WWP2: variants seen among roughly 807,000 people sequenced by gnomAD.
The protein encoded by WWP2 is WW domain containing E3 ubiquitin protein ligase 2.
In WWP2, 57 loss-of-function variants were observed where a neutral mutation model predicts 121.0. The observed-to-expected ratio is 0.47, with a 90% CI of 0.38 to 0.59. The LOEUF is 0.59. WWP2 is among the 20% of genes least tolerant of loss of function. The pLI is 0.00. For missense variants in WWP2, 962 were observed against 1,158.9 expected (o/e 0.83, Z 2.47); for synonymous variants, 449 against 441.3 (o/e 1.02, Z -0.22).
intron 16 of WWP2, among the ~76,000 whole-genome samples, chr16:69,932,345 CA>C (rs777382271): frequency 6.6e-6 from 1 of 152,150 alleles, no homozygotes. Flanking sequence ...ACAAAACAAA[CA>C]AAAAAACAAA....
At chr16:69,769,914 G>A (rs1009886188) in intron 1 of WWP2, among the ~76,000 whole-genome samples, 2 of 139,458 alleles carry the variant, frequency 1.4e-5, no homozygotes, top group African/African-American at 2.7e-5. Flanking sequence ...TCGCTGTGTC[G>A]CCCAGGCTAG....
chr16:69,931,857 G>A lies in WWP2; in HGVS notation c.1649G>A (p.Gly550Asp). The change falls in exon 16 of 24, where the codon GGC becomes GAC. Residue 550 changes from glycine (G) to aspartate (D), a missense_variant. Physicochemically the swap from Gly to Asp is moderately conservative, Grantham distance 94 (BLOSUM62 -1). Coordinates refer to ENST00000359154, the MANE Select transcript of WWP2 (RefSeq NM_001270454.2). ...LRRRLYIIMR[G>D]EEGLDYGGIA... ...CGCCGGCTCTACATCATCATGCGTG[G>A]CGAGGAGGGCCTGGACTATGGGGGC... is the stretch of plus-strand genomic sequence containing the variant. 1 of 1,613,754 alleles carries A rather than the reference G, an allele frequency of 6.2e-7. No individual in the cohort carries two copies.
At chr16:69,890,276 C>T (rs1013716234) in intron 8 of WWP2, among the ~76,000 whole-genome samples, 1 of 152,158 alleles carries the variant, frequency 6.6e-6, no homozygotes, top group Admixed American at 6.6e-5. Flanking sequence ...GCATGCGCCA[C>T]GCTACCTAAC....
Position 69,847,907 on chromosome 16 carries a change from T to C in WWP2, c.575+5787T>C, listed in dbSNP as rs568976560. On this transcript the variant is annotated intron_variant, in intron 6 of 23. Coordinates refer to ENST00000359154, the MANE Select transcript of WWP2 (RefSeq NM_001270454.2). Reference sequence around the variant, plus strand: ...GTGGGGACAAACTGCATCCAAACCATAGCAGGGAGTCAAGTTGGAATGAAG... The same window carrying C: ...GTGGGGACAAACTGCATCCAAACCACAGCAGGGAGTCAAGTTGGAATGAAG... 9.1e-4 allele frequency among the ~76,000 whole-genome samples: 139 copies of C among 152,158 alleles called. 2 individuals are homozygous for C. The highest frequency in any genetic ancestry group is 3.3e-3 in the African/African-American group (135 of 41,522).
At chr16:69,920,450 G>A (rs980306732) in intron 10 of WWP2, among the ~76,000 whole-genome samples, 1 of 152,102 alleles carries the variant, frequency 6.6e-6, no homozygotes, top group East Asian at 1.9e-4. Flanking sequence ...CTCCTTTTGA[G>A]CTGGGCCCAA....
chr16:69,796,415 G>T (rs561732765), intron 2 of WWP2, among the ~76,000 whole-genome samples: 12 of 152,284 alleles, frequency 7.9e-5, no homozygotes, highest in Admixed American at 6.5e-4. Context: ...TCGATATCCC[G>T]CAGCTAGGCA....
rs1208026271 is a variant in WWP2 at position 69,799,452 on chromosome 16, CCT to C, written c.340+162_340+163del. 5.3e-5 allele frequency: 51 copies of C among 964,688 alleles called. No individual in the cohort carries two copies. In the African/African-American group the frequency reaches 5.8e-4, roughly 11 times the overall value. The allele number at this position is 964,688 out of a possible 1,614,324, so 59.8% of individuals were successfully genotyped here. On this transcript the variant is annotated intron_variant, in intron 4 of 23. Transcript: ENST00000359154. This position sits in a 1 kb window ranked among gnomAD's most constrained non-coding sequence, Gnocchi z 4.5. ...TGGAGTTTTGGGAAGGCTGAGGGCT[CCT>C]CTCTGCCTCCACTACAGAGTTTAGC...
intron 4 of WWP2, among the ~76,000 whole-genome samples, chr16:69,838,296 A>G (rs1383645905): frequency 6.6e-6 from 1 of 151,994 alleles, no homozygotes; most frequent in Admixed American, 6.6e-5. Flanking sequence ...AGTTTGCTTC[A>G]CGGTGCACAG....
intron 4 of WWP2, among the ~76,000 whole-genome samples, chr16:69,811,202 C>T (rs1441521256): frequency 6.6e-6 from 1 of 152,180 alleles, no homozygotes; most frequent in Non-Finnish European, 1.5e-5. Context: ...CTCCCCACTC[C>T]TGCAGCTCTC....
intron 8 of WWP2, among the ~76,000 whole-genome samples, chr16:69,900,081 G>A (rs1344283931): frequency 6.6e-6 from 1 of 152,128 alleles, no homozygotes; most frequent in Non-Finnish European, 1.5e-5. Context: ...TGTAACTGCT[G>A]TAATATGACG....
chr16:69,932,865 G>C lies in WWP2; in HGVS notation c.1682+975G>C, dbSNP rs2058737532. Among the ~76,000 whole-genome samples the C allele has an allele frequency of 3.3e-5, 5 of 152,340 alleles. 1 individual carries two copies. In the Middle Eastern group the frequency reaches 0.014, roughly 415 times the overall value. On this transcript the variant is annotated intron_variant, in intron 16 of 23. Transcript: ENST00000359154. ...CAGGGCAGAAGGGCCCCGGCAGAGAGAGAGAGCGCTGTGGCCCGCAGCGAC... is the reference window on the plus strand; with the variant it reads ...CAGGGCAGAAGGGCCCCGGCAGAGACAGAGAGCGCTGTGGCCCGCAGCGAC...
intron 7 of WWP2, among the ~76,000 whole-genome samples, chr16:69,877,157 C>T (rs1421340753): frequency 6.6e-6 from 1 of 152,214 alleles, no homozygotes; most frequent in Admixed American, 6.5e-5. Flanking sequence ...CTTTCGTCAA[C>T]ATTGAAAAGC....
intron 6 of WWP2, among the ~76,000 whole-genome samples, chr16:69,869,155 T>C (rs995765437): frequency 3.9e-5 from 6 of 152,146 alleles, no homozygotes; most frequent in Admixed American, 1.3e-4. Context: ...CCCAAAGTGC[T>C]GGGATTACAG....
At chr16:69,792,962 A>C (rs1046941181) in intron 2 of WWP2, among the ~76,000 whole-genome samples, 1 of 152,126 alleles carries the variant, frequency 6.6e-6, no homozygotes, top group Non-Finnish European at 1.5e-5. Flanking sequence ...AAGTGTTGCA[A>C]TTACAGGGTG....
intron 4 of WWP2, among the ~76,000 whole-genome samples, chr16:69,817,456 AC>A (rs1427597401): frequency 6.6e-6 from 1 of 151,924 alleles, no homozygotes; most frequent in Non-Finnish European, 1.5e-5. Flanking sequence ...TGCTATGTTG[AC>A]CAGGCTGGTC....
intron 8 of WWP2, among the ~76,000 whole-genome samples, chr16:69,906,609 G>C (rs1353699381): frequency 6.6e-6 from 1 of 152,206 alleles, no homozygotes; most frequent in Non-Finnish European, 1.5e-5. Context: ...AAACCATAGA[G>C]GGTAGGCACG....
At chr16:69,938,494 C>G (rs1245081708) in intron 21 of WWP2, among the ~76,000 whole-genome samples, 1 of 152,126 alleles carries the variant, frequency 6.6e-6, no homozygotes, top group South Asian at 2.1e-4. Flanking sequence ...TGGTGGACAC[C>G]TGTAATCCCA....
chr16:69,816,383 AC>A (rs1304684637), intron 4 of WWP2, among the ~76,000 whole-genome samples: 1 of 151,046 alleles, frequency 6.6e-6, no homozygotes, highest in East Asian at 1.9e-4. Context: ...GGAGTGCAAG[AC>A]CAGCGTGGGC....
In WWP2 at chr16:69,840,149, A is replaced by T; in HGVS notation, c.364A>T (p.Asn122Tyr). The change falls in exon 5 of 24, where the codon AAC becomes TAC. Residue 122 changes from asparagine (N) to tyrosine (Y), a missense_variant. Around this residue, in one of 3 missense-constraint regions of WWP2, gnomAD observed 145 missense variants for 189.8 expected, o/e 0.76. Coordinates refer to ENST00000359154, the MANE Select transcript of WWP2 (RefSeq NM_001270454.2). ...AGTGGAGAACATGCAGCTGACCCTGAACCTGCAGACGGAGAACAAAGGCAG... is the reference window on the plus strand; with the variant it reads ...AGTGGAGAACATGCAGCTGACCCTGTACCTGCAGACGGAGAACAAAGGCAG... ...GKMENMQLTL[N>Y]LQTENKGSVV... The T allele has an allele frequency of 3.7e-6, 6 of 1,614,270 alleles. No homozygotes were observed. Among genetic ancestry groups the T allele is most frequent in the South Asian group, 1.1e-5 (1 of 91,090 alleles).
Sources: allele counts gnomAD v4.1 joint callset (sites outside exome capture counted in the v4.1 genomes callset), GRCh38; gene constraint gnomAD v4.1.1; regional missense constraint gnomAD v4.1.1; non-coding constraint Gnocchi (gnomAD v3.1); transcripts MANE v1.5; gene names NCBI Gene and HGNC (gene_info 2026-07-23, HGNC 2026-07-21).